TMCC3: variants seen among roughly 807,000 people sequenced by gnomAD.
TMCC3 encodes the protein transmembrane and coiled-coil domain protein 3.
TMCC3 carries 28 observed loss-of-function variants against 40.2 expected under a neutral mutation model. That is an observed-to-expected ratio of 0.70 (90% confidence interval 0.52 to 0.95). The LOEUF (loss-of-function observed/expected upper bound fraction) is 0.95, where lower values mean the gene tolerates loss of function less well. Ranked by LOEUF, TMCC3 falls within the 40% of genes least tolerant of loss-of-function variation. The pLI, the probability that TMCC3 is intolerant of heterozygous loss-of-function variation, is 0.00. For missense variants in TMCC3, 554 were observed against 615.2 expected (o/e 0.90, Z 1.05); for synonymous variants, 255 against 248.5 (o/e 1.03, Z -0.25).
intron 1 of TMCC3, among the ~76,000 whole-genome samples, chr12:94,625,142 C>CAA (rs35584074): frequency 7.7e-4 from 90 of 117,242 alleles, no homozygotes; most frequent in East Asian, 7.7e-4. Flanking sequence ...AACTCCATCT[C>CAA]AAAAAAAAAA....
chr12:94,598,256 A>AT (rs1220828324), intron 1 of TMCC3, among the ~76,000 whole-genome samples: 6 of 152,238 alleles, frequency 3.9e-5, no homozygotes, highest in African/African-American at 1.4e-4. Flanking sequence ...CTCCAGGAAT[A>AT]TCCTACCTTT....
At chr12:94,575,177 G>A (rs1274526) in intron 3 of TMCC3, among the ~76,000 whole-genome samples, 60,351 of 151,966 alleles carry the variant, frequency 0.4, 12,539 homozygotes, top group Non-Finnish European at 0.44. Context: ...CCTGTCTCTG[G>A]CAGCCCATTC....
At chr12:94,643,760 A>G (rs1024611245) in intron 1 of TMCC3, among the ~76,000 whole-genome samples, 14 of 152,230 alleles carry the variant, frequency 9.2e-5, no homozygotes, top group African/African-American at 3.1e-4. Flanking sequence ...CAGGCACCCA[A>G]CTAGTTTAGA....
At chr12:94,621,488 A>G (rs757027222) in intron 1 of TMCC3, among the ~76,000 whole-genome samples, 1 of 152,220 alleles carries the variant, frequency 6.6e-6, no homozygotes, top group Non-Finnish European at 1.5e-5. Context: ...CTAGATCAGT[A>G]TATCCCGAAC....
chr12:94,592,520 T>C (rs989611316), intron 1 of TMCC3, among the ~76,000 whole-genome samples: 14 of 150,614 alleles, frequency 9.3e-5, no homozygotes, highest in Middle Eastern at 3.4e-3. Context: ...GGCAGGTGCC[T>C]GTAATCCCAG....
In TMCC3 at chr12:94,602,090, C is replaced by T. The variant is rs12426374; in HGVS notation, c.79-19552G>A. Among the ~76,000 whole-genome samples, 165 of 152,192 alleles carry T rather than the reference C, an allele frequency of 1.1e-3. 1 individual carries two copies. Among genetic ancestry groups the T allele is most frequent in the Admixed American group, 0.01 (156 of 15,276 alleles). On this transcript the variant is annotated intron_variant, in intron 1 of 3. Coordinates refer to ENST00000261226, the MANE Select transcript of TMCC3 (RefSeq NM_020698.4). Reference sequence around the variant, plus strand: ...ATTAGAAAAAAGACAAGCCACTTGTCCCTGTGTTTGTTAATCATACTTAAG... The same window carrying T: ...ATTAGAAAAAAGACAAGCCACTTGTTCCTGTGTTTGTTAATCATACTTAAG...
At chr12:94,612,739 A>G (rs1380675111) in intron 1 of TMCC3, among the ~76,000 whole-genome samples, 1 of 152,258 alleles carries the variant, frequency 6.6e-6, no homozygotes, top group African/African-American at 2.4e-5. Flanking sequence ...AATTACTTGC[A>G]CTTTTAAAAT....
At chr12:94,635,338 T>G (rs2068954187) in intron 1 of TMCC3, among the ~76,000 whole-genome samples, 1 of 152,082 alleles carries the variant, frequency 6.6e-6, no homozygotes, top group African/African-American at 2.4e-5. Context: ...GAACACAAAG[T>G]TAGGCTGGGT....
At chr12:94,610,989 A>G (rs956299741) in intron 1 of TMCC3, among the ~76,000 whole-genome samples, 1 of 152,164 alleles carries the variant, frequency 6.6e-6, no homozygotes, top group Non-Finnish European at 1.5e-5. Flanking sequence ...TTAAAAAAAA[A>G]TCCCCAGTGC....
At chr12:94,591,781 A>G (rs1467149890) in intron 1 of TMCC3, among the ~76,000 whole-genome samples, 1 of 152,108 alleles carries the variant, frequency 6.6e-6, no homozygotes, top group East Asian at 1.9e-4. Context: ...AAATATACAT[A>G]TATGAGAGAT....
chr12:94,585,684 TCAAA>T (rs4019546), intron 1 of TMCC3, among the ~76,000 whole-genome samples: 206 of 150,154 alleles, frequency 1.4e-3, no homozygotes, highest in African/African-American at 1.5e-3. Flanking sequence ...AGACACCGTC[TCAAA>T]CAAACAAACA....
At chr12:94,573,101 A>G (rs2068542664) in intron 3 of TMCC3, among the ~76,000 whole-genome samples, 2 of 152,142 alleles carry the variant, frequency 1.3e-5, no homozygotes, top group Non-Finnish European at 2.9e-5. Flanking sequence ...TATTGCAGCT[A>G]CCCAACACCT....
intron 1 of TMCC3, among the ~76,000 whole-genome samples, chr12:94,637,427 G>A (rs765589212): frequency 6.6e-6 from 1 of 152,144 alleles, no homozygotes; most frequent in Non-Finnish European, 1.5e-5. Flanking sequence ...TATCAGATTG[G>A]CAAGGATCAA....
chr12:94,647,817 C>G (rs2069028499), intron 1 of TMCC3, among the ~76,000 whole-genome samples: 1 of 152,196 alleles, frequency 6.6e-6, no homozygotes, highest in Non-Finnish European at 1.5e-5. Flanking sequence ...GTTGCTTTCC[C>G]TTCATTACAA....
intron 1 of TMCC3, among the ~76,000 whole-genome samples, chr12:94,606,874 G>A (rs371903220): frequency 4.6e-5 from 7 of 152,308 alleles, no homozygotes; most frequent in South Asian, 2.1e-4. Context: ...TGCTGTGCAC[G>A]TACTGTCTTG....
At chr12:94,582,634 C>T (rs2068612099) in intron 1 of TMCC3, 96 bp from the exon 2 acceptor site, 1 of 1,172,040 alleles carries the variant, frequency 8.5e-7, no homozygotes, top group East Asian at 2.4e-5. Flanking sequence ...TACATGAAGT[C>T]CCAGTTTTTC....
chr12:94,597,825 T>C (rs1403808156), intron 1 of TMCC3, among the ~76,000 whole-genome samples: 7 of 151,814 alleles, frequency 4.6e-5, no homozygotes, highest in Admixed American at 4.6e-4. Context: ...AATAAATAAA[T>C]AATAAAAATA....
chr12:94,602,380 G>A (rs910270996), intron 1 of TMCC3, among the ~76,000 whole-genome samples: 2 of 152,142 alleles, frequency 1.3e-5, no homozygotes, highest in Non-Finnish European at 2.9e-5. Context: ...ACTAAATCTA[G>A]GAACATCAAA....
intron 1 of TMCC3, among the ~76,000 whole-genome samples, chr12:94,631,457 A>AG (rs1244080246): frequency 6.6e-6 from 1 of 152,188 alleles, no homozygotes; most frequent in Non-Finnish European, 1.5e-5. Flanking sequence ...ATCTGGACAC[A>AG]GACACGTAGA....
Sources: allele counts gnomAD v4.1 joint callset (sites outside exome capture counted in the v4.1 genomes callset), GRCh38; gene constraint gnomAD v4.1.1; transcripts MANE v1.5; gene names NCBI Gene and HGNC (gene_info 2026-07-23, HGNC 2026-07-21).